AMPH: variants seen among roughly 807,000 people sequenced by gnomAD.
AMPH encodes the protein amphiphysin.
A neutral mutation model predicts 99.1 loss-of-function variants in AMPH; 49 were observed. The ratio of observed to expected loss-of-function variants is 0.49; its 90% confidence interval spans 0.39 to 0.63. The LOEUF is 0.63. Ranked by LOEUF, AMPH falls within the 20% of genes least tolerant of loss-of-function variation. The pLI, the probability that AMPH is intolerant of heterozygous loss-of-function variation, is 0.00. For synonymous variants in AMPH, 314 were observed against 317.3 expected (o/e 0.99, Z 0.11); for missense variants, 759 against 863.4 (o/e 0.88, Z 1.52).
intron 20 of AMPH, 122 bp downstream of exon 20, chr7:38,389,682 C>A: frequency 1.3e-6 from 1 of 776,954 alleles, no homozygotes; most frequent in Non-Finnish European, 2.2e-6. Context: ...AGCCCTTAAG[C>A]CCTTTTCAGA....
intron 1 of AMPH, among the ~76,000 whole-genome samples, chr7:38,609,149 G>C (rs942864087): frequency 6.6e-6 from 1 of 152,104 alleles, no homozygotes; most frequent in African/African-American, 2.4e-5. Flanking sequence ...TCAGCTCTCT[G>C]TGTTCAGGCT....
chr7:38,631,161 C>T (rs1201909506), intron 1 of AMPH, 122 bp downstream of exon 1: 2 of 896,644 alleles, frequency 2.2e-6, no homozygotes, highest in Non-Finnish European at 2.8e-6. Flanking sequence ...GTCCCTGGCC[C>T]CGGCCCCGCT....
intron 11 of AMPH, among the ~76,000 whole-genome samples, chr7:38,451,330 T>TATATACAC (rs1562764301): frequency 7.8e-6 from 1 of 128,994 alleles, no homozygotes; most frequent in South Asian, 2.6e-4. Context: ...TATATACACA[T>TATATACAC]GTATATATAC....
rs1793542592 is a variant in AMPH at position 38,609,291 on chromosome 7, C to T, written c.69+21992G>A. 7.9e-5 allele frequency among the ~76,000 whole-genome samples: 12 copies of T among 152,132 alleles called. No individual in the cohort carries two copies. The South Asian group carries it at 2.5e-3, about 32-fold the overall frequency. On this transcript the variant is annotated intron_variant, in intron 1 of 20. Transcript: ENST00000356264. ...TTGGAGAAACACAGGCTCTCTCCTTCGATGGAGGTTTCCTTTTATTTCTGT... is the reference window on the plus strand; with the variant it reads ...TTGGAGAAACACAGGCTCTCTCCTTTGATGGAGGTTTCCTTTTATTTCTGT...
At chr7:38,506,993 T>A (rs532878418) in intron 2 of AMPH, among the ~76,000 whole-genome samples, 1 of 152,342 alleles carries the variant, frequency 6.6e-6, no homozygotes, top group African/African-American at 2.4e-5. Context: ...GGGATGGTTA[T>A]GAGTCACCAG....
At chr7:38,546,666 T>C (rs757973300) in intron 1 of AMPH, among the ~76,000 whole-genome samples, 1 of 152,216 alleles carries the variant, frequency 6.6e-6, no homozygotes, top group Non-Finnish European at 1.5e-5. Flanking sequence ...TGTTTTACGA[T>C]GCAGTGTTTG....
Position 38,465,295 on chromosome 7 carries a change from G to A in AMPH, c.749+172C>T, listed in dbSNP as rs559383931. On this transcript the variant is annotated intron_variant, in intron 9 of 20. Coordinates refer to ENST00000356264, the MANE Select transcript of AMPH (RefSeq NM_001635.4). ...GAAGAAGAATCCTAGTTGGGTCACTGAAGGCCAGACATAAATGTAAAAGCA... is the reference window on the plus strand; with the variant it reads ...GAAGAAGAATCCTAGTTGGGTCACTAAAGGCCAGACATAAATGTAAAAGCA... Among the ~76,000 whole-genome samples, 5 of 152,306 alleles carry A rather than the reference G, an allele frequency of 3.3e-5. No homozygotes were observed. The South Asian group carries it at 1.0e-3, about 32-fold the overall frequency.
intron 2 of AMPH, among the ~76,000 whole-genome samples, chr7:38,534,130 T>C (rs547045848): frequency 6.6e-6 from 1 of 152,304 alleles, no homozygotes; most frequent in East Asian, 1.9e-4. Flanking sequence ...AAGTATACTA[T>C]ATGTCTGCTT....
intron 10 of AMPH, 134 bp from the exon 11 acceptor site, chr7:38,461,545 T>C (rs17171366): frequency 0.022 from 22,941 of 1,044,170 alleles, 506 homozygotes; most frequent in South Asian, 0.086. Context: ...GCAGCAAGCC[T>C]ATCTGATACA....
intron 13 of AMPH, chr7:38,430,157 C>T (rs1344590778): frequency 2.6e-6 from 1 of 382,292 alleles, no homozygotes. Flanking sequence ...CTCTGAAATG[C>T]TAAGTTTCAA....
rs1470340244 is a variant in AMPH at position 38,598,074 on chromosome 7, A to C, written c.69+33209T>G. On this transcript the variant is annotated intron_variant, in intron 1 of 20. Coordinates refer to ENST00000356264, the MANE Select transcript of AMPH (RefSeq NM_001635.4). ...ATGAGTTGTTGGCCCAAATAGATTT[A>C]TTGAATGATTCTTACATACCTTTGA... Among the ~76,000 whole-genome samples the C allele has an allele frequency of 8.5e-5, 13 of 152,214 alleles. 1 individual carries two copies. Among genetic ancestry groups the C allele is most frequent in the Non-Finnish European group, 1.6e-4 (11 of 68,034 alleles).
At chr7:38,538,654 C>CTCATTATTTTTTTTTTTT (rs1790699761) in intron 1 of AMPH, among the ~76,000 whole-genome samples, 1 of 152,088 alleles carries the variant, frequency 6.6e-6, no homozygotes, top group South Asian at 2.1e-4. Context: ...AGTTAAGAGG[C>CTCATTATTTTTTTTTTTT]TTTTTAATAG....
At chr7:38,405,279 C>A (rs919271900) in intron 17 of AMPH, among the ~76,000 whole-genome samples, 5 of 152,126 alleles carry the variant, frequency 3.3e-5, no homozygotes, top group African/African-American at 1.2e-4. Context: ...GTTCACACAT[C>A]CTATAAAGCA....
chr7:38,463,182 C>T (rs1198484941), intron 9 of AMPH, 69 bp from the exon 10 acceptor site: 2 of 1,606,534 alleles, frequency 1.2e-6, no homozygotes. Context: ...AGGGGTTTTC[C>T]ATTTCAGAGA....
intron 11 of AMPH, among the ~76,000 whole-genome samples, chr7:38,460,219 G>A (rs537280240): frequency 5.3e-4 from 81 of 152,230 alleles, no homozygotes; most frequent in Middle Eastern, 3.4e-3. Flanking sequence ...GGAGAAAAAG[G>A]AACTCTTATA....
chr7:38,580,073 CACT>C (rs1290976531), intron 1 of AMPH, among the ~76,000 whole-genome samples: 2 of 152,138 alleles, frequency 1.3e-5, no homozygotes, highest in African/African-American at 4.8e-5. Flanking sequence ...CTCATCAGAG[CACT>C]ACATCAATTT....
chr7:38,622,477 ACG>A (rs1491316584), intron 1 of AMPH, among the ~76,000 whole-genome samples: 1 of 150,200 alleles, frequency 6.7e-6, no homozygotes, highest in Non-Finnish European at 1.5e-5. Context: ...ACACACACAC[ACG>A]CACAAACACA....
Position 38,570,973 on chromosome 7 carries a change from A to ATATATT in AMPH, c.70-35963_70-35962insAATATA, listed in dbSNP as rs1450588432. Among the ~76,000 whole-genome samples, 45 of 14,720 alleles carry ATATATT rather than the reference A, an allele frequency of 3.1e-3. 15 individuals are homozygous for ATATATT. Among genetic ancestry groups the ATATATT allele is most frequent in the African/African-American group, 4.5e-3 (17 of 3,812 alleles). 9.7% of individuals were successfully genotyped at this position (14,720 alleles called of 152,430 possible). On this transcript the variant is annotated intron_variant, in intron 1 of 20. Coordinates refer to ENST00000356264, the MANE Select transcript of AMPH (RefSeq NM_001635.4). ...TATATATAGAATATATATATAGAAT[A>ATATATT]TATATATATTCAATATATATATATT...
rs140128594 is a variant in AMPH, at chr7:38,552,979, A to G, written c.70-17968T>C. 6.6e-3 allele frequency among the ~76,000 whole-genome samples: 1,000 copies of G among 152,240 alleles called. 11 individuals are homozygous for G. Among genetic ancestry groups the G allele is most frequent in the African/African-American group, 0.022 (933 of 41,532 alleles). ...GTGCCCAGGGGAACGGACCCAATGGACTGCATTACCCAGGTTCCCTTGATC... is the reference window on the plus strand; with the variant it reads ...GTGCCCAGGGGAACGGACCCAATGGGCTGCATTACCCAGGTTCCCTTGATC... On this transcript the variant is annotated intron_variant, in intron 1 of 20. Transcript: ENST00000356264.
Sources: allele counts gnomAD v4.1 joint callset (sites outside exome capture counted in the v4.1 genomes callset), GRCh38; gene constraint gnomAD v4.1.1; transcripts MANE v1.5; gene names NCBI Gene and HGNC (gene_info 2026-07-23, HGNC 2026-07-21).